The following SNTG2 variants were observed in gnomAD, a reference collection of about 807,000 sequenced individuals.
SNTG2 encodes syntrophin gamma 2, also known as gamma-2-syntrophin.
Under a neutral mutation model 70.9 loss-of-function variants are expected in SNTG2, and 74 were observed. The ratio of observed to expected loss-of-function variants is 1.04; its 90% CI spans 0.86 to 1.27. The LOEUF is 1.27. SNTG2 is among the 50% of genes most tolerant of loss of function. The pLI, the probability that SNTG2 is intolerant of heterozygous loss-of-function variation, is 0.00. For missense variants in SNTG2, 717 were observed against 690.7 expected, an observed-to-expected ratio of 1.04 and a Z score of -0.43; for synonymous variants, 278 against 273.8, an observed-to-expected ratio of 1.02 and a Z score of -0.15.
Position 1,295,513 on chromosome 2 carries a change from T to A in SNTG2, c.1285-12981T>A, listed in dbSNP as rs536588801. Among the ~76,000 whole-genome samples, 3 of 152,302 alleles carry A rather than the reference T, an allele frequency of 2.0e-5. No homozygotes were observed. The South Asian group carries it at 6.2e-4, about 32-fold the overall frequency. ...GAGAAAGTGTAGCCCAGAAATGTAA[T>A]GATTGAGGAAATTTCGAGTGACATA... On this transcript the variant is annotated intron_variant, in intron 14 of 16. Coordinates refer to ENST00000308624, the MANE Select transcript of SNTG2 (RefSeq NM_018968.4).
At chr2:1,269,512 C>A (rs1349676736) in intron 14 of SNTG2, among the ~76,000 whole-genome samples, 4 of 151,838 alleles carry the variant, frequency 2.6e-5, no homozygotes, top group African/African-American at 4.8e-5. Flanking sequence ...CAGAGTGAGA[C>A]CCTGTCTCAA....
chr2:975,798 T>C (rs1660890825), intron 1 of SNTG2, among the ~76,000 whole-genome samples: 1 of 152,272 alleles, frequency 6.6e-6, no homozygotes. Context: ...GCTATTGATA[T>C]ATGTCCATAT....
intron 1 of SNTG2, among the ~76,000 whole-genome samples, chr2:1,062,897 T>A (rs1357669790): frequency 6.6e-6 from 1 of 152,232 alleles, no homozygotes; most frequent in Admixed American, 6.5e-5. Context: ...TATATACATA[T>A]ACACACATAT....
intron 1 of SNTG2, among the ~76,000 whole-genome samples, chr2:1,031,358 G>A (rs1247051612): frequency 6.6e-6 from 1 of 151,590 alleles, no homozygotes; most frequent in African/African-American, 2.4e-5. Flanking sequence ...ACAGTCCTCA[G>A]AGTGTCAGAT....
intron 1 of SNTG2, among the ~76,000 whole-genome samples, chr2:1,052,367 C>T (rs758395245): frequency 3.0e-4 from 46 of 152,152 alleles, no homozygotes; most frequent in Admixed American, 5.2e-4. Flanking sequence ...AAGAGTTCAT[C>T]CTTTGTACAC....
At chr2:1,016,882 C>T (rs1279601945) in intron 1 of SNTG2, among the ~76,000 whole-genome samples, 5 of 152,156 alleles carry the variant, frequency 3.3e-5, no homozygotes, top group Non-Finnish European at 7.4e-5. Context: ...TCTGCAAAAC[C>T]AGCCAGGACC....
At chr2:1,158,310 A>G (rs541226695) in intron 6 of SNTG2, 1 of 151,768 alleles carries the variant, frequency 6.6e-6, no homozygotes, top group Non-Finnish European at 1.5e-5. Context: ...GAAAATTATT[A>G]TTTTTTAAAA....
At chr2:1,303,953 A>G (rs1680569136) in intron 14 of SNTG2, among the ~76,000 whole-genome samples, 1 of 152,150 alleles carries the variant, frequency 6.6e-6, no homozygotes, top group Admixed American at 6.5e-5. Context: ...AAGAAAACTT[A>G]TTTGTAGCTT....
chr2:1,059,667 C>T (rs1029300318), intron 1 of SNTG2, among the ~76,000 whole-genome samples: 7 of 151,988 alleles, frequency 4.6e-5, no homozygotes, highest in Admixed American at 1.3e-4. Context: ...ATATAAAACT[C>T]CCTCAACCCT....
chr2:952,881 A>G (rs971620690), intron 1 of SNTG2, among the ~76,000 whole-genome samples: 2 of 152,222 alleles, frequency 1.3e-5, no homozygotes, highest in African/African-American at 4.8e-5. Context: ...CTTAGTATAC[A>G]ATGTCATCCT....
intron 16 of SNTG2, among the ~76,000 whole-genome samples, chr2:1,342,192 G>A (rs1660140998): frequency 6.6e-6 from 1 of 151,838 alleles, no homozygotes; most frequent in African/African-American, 2.4e-5. Flanking sequence ...CCTTAGACAA[G>A]GCCGGTTTCT....
At position 1,071,852 on chromosome 2, in the gene SNTG2, AG is replaced by A. The variant is rs1663582089; in HGVS notation, c.73-11664del. ...AAAATAGTATTATTTGCTGATATGGAGGAAATTTGAATGGCCAGGATAGATC... is the reference window on the plus strand; with the variant it reads ...AAAATAGTATTATTTGCTGATATGGAGAAATTTGAATGGCCAGGATAGATC... On this transcript the variant is annotated intron_variant, in intron 1 of 16. Coordinates refer to ENST00000308624, the MANE Select transcript of SNTG2 (RefSeq NM_018968.4). Among the ~76,000 whole-genome samples the A allele has an allele frequency of 2.0e-5, 3 of 152,170 alleles. No individual in the cohort carries two copies. The South Asian group carries it at 6.2e-4, about 32-fold the overall frequency.
At chr2:1,208,131 G>A (rs941749427) in intron 8 of SNTG2, among the ~76,000 whole-genome samples, 1 of 152,170 alleles carries the variant, frequency 6.6e-6, no homozygotes, top group Non-Finnish European at 1.5e-5. Context: ...CACAGAGCCC[G>A]GAGCTCAGGG....
At chr2:1,015,041 T>G (rs1572223238) in intron 1 of SNTG2, among the ~76,000 whole-genome samples, 1 of 151,834 alleles carries the variant, frequency 6.6e-6, no homozygotes, top group Non-Finnish European at 1.5e-5. Context: ...TAAGAAGGAG[T>G]GAAAACCCTT....
At chr2:1,296,672 C>CT (rs1238936956) in intron 14 of SNTG2, among the ~76,000 whole-genome samples, 1 of 152,236 alleles carries the variant, frequency 6.6e-6, no homozygotes, top group Non-Finnish European at 1.5e-5. Context: ...TCCTGCTTTC[C>CT]TCCCTGGAAT....
chr2:1,326,499 A>C (rs1319521767), intron 16 of SNTG2, among the ~76,000 whole-genome samples: 1 of 152,236 alleles, frequency 6.6e-6, no homozygotes, highest in Admixed American at 6.5e-5. Flanking sequence ...AAAAGATTTC[A>C]ACAGCAAAAA....
intron 4 of SNTG2, among the ~76,000 whole-genome samples, chr2:1,101,965 A>G (rs10176540): frequency 0.46 from 70,336 of 152,056 alleles, 16,516 homozygotes; most frequent in East Asian, 0.58. Context: ...TGCAAAATAT[A>G]AAATTATTAG....
chr2:1,295,234 G>A (rs529265382), intron 14 of SNTG2, among the ~76,000 whole-genome samples: 17 of 152,274 alleles, frequency 1.1e-4, no homozygotes, highest in East Asian at 7.7e-4. Flanking sequence ...CATGCTGGGC[G>A]GATGTAGTGT....
chr2:1,213,057 C>T (rs1287365275), intron 9 of SNTG2, among the ~76,000 whole-genome samples: 1 of 152,150 alleles, frequency 6.6e-6, no homozygotes, highest in Non-Finnish European at 1.5e-5. Flanking sequence ...AGTATAGGAC[C>T]TCAATCTATA....
Sources: gnomAD v4.1 joint callset for allele counts (sites outside exome capture counted in the v4.1 genomes callset) on GRCh38, gnomAD v4.1.1 for gene constraint, MANE v1.5 for transcripts, NCBI Gene and HGNC (gene_info 2026-07-23, HGNC 2026-07-21) for gene names.